TMEM63B: variants seen among roughly 807,000 people sequenced by gnomAD.
The protein encoded by TMEM63B is transmembrane protein 63B, also known as mechanosensitive cation channel TMEM63B.
A neutral mutation model predicts 102.6 loss-of-function variants in TMEM63B; 23 were observed. The observed-to-expected ratio is 0.22, with a 90% CI of 0.16 to 0.32. The LOEUF (loss-of-function observed/expected upper bound fraction) is 0.32. TMEM63B is among the 10% of genes least tolerant of loss of function. The pLI is 1.00. For missense variants in TMEM63B, 628 were observed against 1,095.9 expected (o/e 0.57, Z 6.03); for synonymous variants, 444 against 437.0 (o/e 1.02, Z -0.20).
chr6:44,153,961 G>C (rs1008151803), intron 21 of TMEM63B, 112 bp from the exon 22 acceptor site: 16 of 1,557,960 alleles, frequency 1.0e-5, no homozygotes, highest in Middle Eastern at 1.7e-4. Context: ...GGAGAGGCTG[G>C]GGCCAGTCTG....
At chr6:44,128,118 C>T (rs1405042671) in intron 1 of TMEM63B, among the ~76,000 whole-genome samples, 1 of 152,118 alleles carries the variant, frequency 6.6e-6, no homozygotes, top group East Asian at 1.9e-4. Context: ...AAGTCCGATG[C>T]CTTCTGTGCC....
In TMEM63B at chr6:44,134,597, C is replaced by G. The variant is rs1450513195; in HGVS notation, c.13C>G (p.Leu5Val). Reference sequence around the variant, plus strand: ...GGCAGTAGCAGCCATGCTGCCCTTTCTGCTGGCCACACTGGGCACCACAGC... The same window carrying G: ...GGCAGTAGCAGCCATGCTGCCCTTTGTGCTGGCCACACTGGGCACCACAGC... MLPF[L>V]LATLGTTALN... Residue 5 changes from leucine to valine, a missense_variant, in exon 2 of 24, where the codon CTG becomes GTG. By Grantham distance (32) the Leu-to-Val change is conservative. This residue lies in a region of TMEM63B where 336 missense variants were observed against 580.3 expected (regional missense o/e 0.58). Transcript: ENST00000323267. 17 of 1,613,942 alleles carry G rather than the reference C, an allele frequency of 1.1e-5. 1 individual carries two copies. In the Admixed American group the frequency reaches 2.7e-4, roughly 25 times the overall value.
At chr6:44,138,060 A>G (rs1422966433) in intron 5 of TMEM63B, among the ~76,000 whole-genome samples, 1 of 152,082 alleles carries the variant, frequency 6.6e-6, no homozygotes, top group East Asian at 1.9e-4. Context: ...TCTGGGGTAG[A>G]CTAGAGGATA....
Position 44,152,538 on chromosome 6 carries a change from C to G in TMEM63B, c.1837-55C>G, listed in dbSNP as rs1331610257. 1 of 1,358,868 alleles carries G rather than the reference C, an allele frequency of 7.4e-7. No homozygotes were observed. The highest frequency in any genetic ancestry group is 1.2e-5 in the South Asian group (1 of 85,832). The allele number at this position is 1,358,868 out of a possible 1,614,324, so 84.2% of individuals were successfully genotyped here. ...CCCTTCCCCCTCCCTCCTTCCCTGC[C>G]CCTCTGGTCAGTCCCTGCCTCCCTG... On this transcript the variant is annotated intron_variant, in intron 19 of 23. Coordinates refer to ENST00000323267, the MANE Select transcript of TMEM63B (RefSeq NM_018426.3). The surrounding 1 kb of genome is among the most constrained non-coding windows in gnomAD (Gnocchi z 6.4).
intron 15 of TMEM63B, among the ~76,000 whole-genome samples, chr6:44,149,424 T>A (rs1040166371): frequency 6.6e-6 from 1 of 152,170 alleles, no homozygotes; most frequent in Non-Finnish European, 1.5e-5. Flanking sequence ...CCTCAGAGTT[T>A]GAAGAAGGAC....
intron 5 of TMEM63B, among the ~76,000 whole-genome samples, chr6:44,137,844 G>A (rs553629948): frequency 2.6e-4 from 39 of 152,052 alleles, no homozygotes; most frequent in South Asian, 1.2e-3. Flanking sequence ...GATTACAGGC[G>A]CGCACCACCA....
intron 21 of TMEM63B, 61 bp from the exon 22 acceptor site, chr6:44,154,012 G>A: frequency 6.9e-6 from 11 of 1,582,974 alleles, no homozygotes; most frequent in Non-Finnish European, 9.5e-6. Flanking sequence ...GAGGGTATCA[G>A]AAGCTGGGGT....
At chr6:44,133,756 C>A (rs912265898) in intron 1 of TMEM63B, among the ~76,000 whole-genome samples, 7 of 152,276 alleles carry the variant, frequency 4.6e-5, no homozygotes, top group South Asian at 2.1e-4. Flanking sequence ...CCACTCCCCC[C>A]TCCTTTGCCA....
chr6:44,152,091 AG>A lies in TMEM63B; in HGVS notation c.1836+87del. The A allele has an allele frequency of 1.4e-6, 2 of 1,469,740 alleles. No individual in the cohort carries two copies. Among genetic ancestry groups the A allele is most frequent in the South Asian group, 2.6e-5 (2 of 77,618 alleles). 91.0% of individuals were successfully genotyped at this position (1,469,740 alleles called of 1,614,324 possible). On this transcript the variant is annotated intron_variant, in intron 19 of 23. Coordinates refer to ENST00000323267, the MANE Select transcript of TMEM63B (RefSeq NM_018426.3). The surrounding 1 kb of genome is among the most constrained non-coding windows in gnomAD (Gnocchi z 6.4). The stretch of plus-strand genomic sequence containing the variant: ...AACAGCAGCCATCGCGCTAGGGTTG[AG>A]GGGCACAGGAGGGCTGAGACTTGGG...
At chr6:44,133,584 C>T (rs1582763083) in intron 1 of TMEM63B, among the ~76,000 whole-genome samples, 2 of 152,208 alleles carry the variant, frequency 1.3e-5, no homozygotes, top group South Asian at 4.1e-4. Flanking sequence ...CCCAGGGCCC[C>T]ACTCTGCTCT....
chr6:44,138,557 C>T, intron 6 of TMEM63B, 40 bp downstream of exon 6: 2 of 1,613,086 alleles, frequency 1.2e-6, no homozygotes, highest in Admixed American at 1.7e-5. Flanking sequence ...AAGAGAGAAA[C>T]TTCAGAACCT....
At chr6:44,153,919 C>T (rs889722652) in intron 21 of TMEM63B, 76 bp downstream of exon 21, 34 of 1,577,632 alleles carry the variant, frequency 2.2e-5, no homozygotes, top group Non-Finnish European at 2.5e-5. Flanking sequence ...CAGGAGAAGC[C>T]GCATGGCTGG....
upstream of TMEM63B, chr6:44,126,904 C>T (rs751028877): frequency 8.5e-5 from 13 of 152,226 alleles, no homozygotes; most frequent in Non-Finnish European, 1.9e-4. Flanking sequence ...AGCAAAAACT[C>T]AATCCTCACA....
Position 44,152,776 on chromosome 6 carries a change from G to A in TMEM63B, c.1942+78G>A, listed in dbSNP as rs1767025267. On this transcript the variant is annotated intron_variant, in intron 20 of 23. Coordinates refer to ENST00000323267, the MANE Select transcript of TMEM63B (RefSeq NM_018426.3). This position sits in a 1 kb window ranked among gnomAD's most constrained non-coding sequence, Gnocchi z 6.4. ...CACCCTCTCCACTCTAGGAATGCAG[G>A]CCACCCCGAGTGGACAGGGCCCGGC... The A allele has an allele frequency of 1.6e-6, 2 of 1,254,016 alleles. No homozygotes were observed. Among genetic ancestry groups the A allele is most frequent in the East Asian group, 2.4e-5 (1 of 42,190 alleles). 77.7% of individuals were successfully genotyped at this position (1,254,016 alleles called of 1,614,324 possible).
At position 44,138,505 on chromosome 6, in the gene TMEM63B, T is replaced by G; in HGVS notation, c.395T>G (p.Ile132Ser). 1 of 1,614,006 alleles carries G rather than the reference T, an allele frequency of 6.2e-7. No homozygotes were observed. The highest frequency in any genetic ancestry group is 8.5e-7 in the Non-Finnish European group (1 of 1,179,980). ...DNGFCSWLTA[I>S]FRIKDDEIRD... ...GGTTTCTGTTCCTGGCTGACAGCCA[T>G]CTTCAGGATAAAGTAAGTGGACCAT... Residue 132 changes from isoleucine to serine, a missense_variant, in exon 6 of 24, where the codon ATC (isoleucine) becomes AGC (serine). Coordinates refer to ENST00000323267, the MANE Select transcript of TMEM63B (RefSeq NM_018426.3).
At chr6:44,145,508 C>T (rs537373862) in intron 10 of TMEM63B, among the ~76,000 whole-genome samples, 1 of 152,296 alleles carries the variant, frequency 6.6e-6, no homozygotes, top group South Asian at 2.1e-4. Flanking sequence ...ACGAGAATCA[C>T]TTGAACCCGG....
rs568643489 is a variant in TMEM63B, at chr6:44,150,066, G to C, written c.1520+101G>C. 1 of 1,372,240 alleles carries C rather than the reference G, an allele frequency of 7.3e-7. No homozygotes were observed. The highest frequency in any genetic ancestry group is 2.5e-5 in the East Asian group (1 of 40,612). The allele number at this position is 1,372,240 out of a possible 1,614,324, so 85.0% of individuals were successfully genotyped here. On this transcript the variant is annotated intron_variant, in intron 16 of 23. Transcript: ENST00000323267. The surrounding 1 kb of genome is among the most constrained non-coding windows in gnomAD (Gnocchi z 4.7). ...CCCTTCAGGCTCCTGGCCCTGGGCA[G>C]TCCCACAGCTGGTAGGGAAGGGGTA...
chr6:44,155,159 T>G lies in TMEM63B; in HGVS notation c.*276T>G. On this transcript the variant is annotated 3_prime_UTR_variant, in exon 24 of 24. Coordinates refer to ENST00000323267, the MANE Select transcript of TMEM63B (RefSeq NM_018426.3). Reference sequence around the variant, plus strand: ...GTACCCCCCACCCCTCCCCAGCTAGTAGCATGACCAGGAGAGGGTTAATGA... The same window carrying G: ...GTACCCCCCACCCCTCCCCAGCTAGGAGCATGACCAGGAGAGGGTTAATGA... The G allele has an allele frequency of 4.0e-5, 10 of 250,020 alleles. No homozygotes were observed. The highest frequency in any genetic ancestry group is 7.9e-5 in the East Asian group (1 of 12,738). The allele number at this position is 250,020 out of a possible 1,614,324, so 15.5% of individuals were successfully genotyped here.
At chr6:44,147,280 C>G (rs1749071804) in intron 11 of TMEM63B, 97 bp from the exon 12 acceptor site, 4 of 1,588,190 alleles carry the variant, frequency 2.5e-6, no homozygotes, top group Middle Eastern at 1.7e-4. Flanking sequence ...TAAACAAGAA[C>G]AAGACAGCTC....
Sources: allele counts gnomAD v4.1 joint callset (sites outside exome capture counted in the v4.1 genomes callset), GRCh38; gene constraint gnomAD v4.1.1; regional missense constraint gnomAD v4.1.1; non-coding constraint Gnocchi (gnomAD v3.1); transcripts MANE v1.5; gene names NCBI Gene and HGNC (gene_info 2026-07-23, HGNC 2026-07-21).